Variants in CTIF observed in about 807,000 individuals in gnomAD.
CTIF encodes the protein cap binding complex dependent translation initiation factor.
A neutral mutation model predicts 66.0 loss-of-function variants in CTIF; 21 were observed. The observed-to-expected ratio is 0.32, with a 90% CI of 0.23 to 0.46. The LOEUF (loss-of-function observed/expected upper bound fraction) is 0.46. CTIF is among the 20% of genes least tolerant of loss of function. The pLI, the probability that CTIF is intolerant of heterozygous loss-of-function variation, is 1.00. For synonymous variants in CTIF, 345 were observed against 326.4 expected (o/e 1.06, Z -0.62); for missense variants, 739 against 812.7 (o/e 0.91, Z 1.10).
chr18:48,645,728 T>C (rs2091018838), intron 3 of CTIF, among the ~76,000 whole-genome samples: 2 of 152,112 alleles, frequency 1.3e-5, no homozygotes. Flanking sequence ...CTTCATAGAC[T>C]CCCAGGGATG....
intron 5 of CTIF, among the ~76,000 whole-genome samples, chr18:48,668,930 G>A (rs778311414): frequency 5.3e-5 from 8 of 152,040 alleles, no homozygotes; most frequent in Non-Finnish European, 7.4e-5. Flanking sequence ...GTCCAGAGCC[G>A]GGCACAGAAG....
At chr18:48,665,970 C>T (rs1482757035) in intron 5 of CTIF, among the ~76,000 whole-genome samples, 1 of 152,136 alleles carries the variant, frequency 6.6e-6, no homozygotes, top group African/African-American at 2.4e-5. Context: ...GGGTGTATAC[C>T]TGGGGTGGAA....
intron 11 of CTIF, 22 bp from the exon 12 acceptor site, chr18:48,859,322 A>G: frequency 3.1e-6 from 5 of 1,611,116 alleles, no homozygotes; most frequent in Non-Finnish European, 4.2e-6. Context: ...AGGCCATCCT[A>G]ACCCCACATC....
intron 1 of CTIF, among the ~76,000 whole-genome samples, chr18:48,614,164 G>C (rs1208882858): frequency 6.6e-6 from 1 of 152,098 alleles, no homozygotes; most frequent in Non-Finnish European, 1.5e-5. Flanking sequence ...GCTGTTTGGG[G>C]ACTTCCCATC....
At chr18:48,825,924 C>T (rs1164246485) in intron 10 of CTIF, 3 of 152,302 alleles carry the variant, frequency 2.0e-5, no homozygotes, top group African/African-American at 4.8e-5. Context: ...TAATGTCCGG[C>T]CAAGGTTAAG....
chr18:48,715,300 G>A (rs181021711), intron 7 of CTIF, among the ~76,000 whole-genome samples: 3 of 152,258 alleles, frequency 2.0e-5, no homozygotes, highest in Admixed American at 1.3e-4. Context: ...CCTCAAGAAT[G>A]TTCTTGACAT....
At chr18:48,579,660 T>C (rs1170516381) in intron 1 of CTIF, among the ~76,000 whole-genome samples, 5 of 152,180 alleles carry the variant, frequency 3.3e-5, no homozygotes, top group African/African-American at 1.2e-4. Context: ...AAGGCCTGCA[T>C]TGCCAGCCCA....
intron 1 of CTIF, among the ~76,000 whole-genome samples, chr18:48,568,984 T>C (rs1160730203): frequency 1.3e-5 from 2 of 152,298 alleles, no homozygotes; most frequent in East Asian, 3.9e-4. Context: ...TGCTCTCTTC[T>C]GAGGCCTCTC....
intron 3 of CTIF, among the ~76,000 whole-genome samples, chr18:48,654,923 A>G (rs1262239087): frequency 6.6e-6 from 1 of 151,872 alleles, no homozygotes; most frequent in Non-Finnish European, 1.5e-5. Flanking sequence ...GAACTGAACA[A>G]TGAGAACACT....
At chr18:48,753,525 TGA>T (rs1908039894) in intron 7 of CTIF, among the ~76,000 whole-genome samples, 1 of 152,096 alleles carries the variant, frequency 6.6e-6, no homozygotes, top group Non-Finnish European at 1.5e-5. Context: ...ACAAGACATC[TGA>T]TTTCAGAACC....
intron 7 of CTIF, among the ~76,000 whole-genome samples, chr18:48,717,685 A>G (rs187350119): frequency 2.2e-4 from 33 of 152,284 alleles, no homozygotes; most frequent in African/African-American, 7.7e-4. Flanking sequence ...AGAATAAGGC[A>G]GGTCCCAGGA....
chr18:48,553,094 A>T (rs79628908), intron 1 of CTIF, among the ~76,000 whole-genome samples: 10,911 of 152,230 alleles, frequency 0.072, 478 homozygotes, highest in South Asian at 0.1. Context: ...TGATACGGCC[A>T]GTTGGAAGTG....
intron 9 of CTIF, among the ~76,000 whole-genome samples, chr18:48,815,841 A>T (rs1172538124): frequency 6.6e-6 from 1 of 151,674 alleles, no homozygotes; most frequent in African/African-American, 2.4e-5. Flanking sequence ...CACATTCTAC[A>T]ACCTGTCTTC....
intron 1 of CTIF, among the ~76,000 whole-genome samples, chr18:48,593,055 T>C (rs1452876000): frequency 1.3e-5 from 2 of 152,094 alleles, no homozygotes; most frequent in Non-Finnish European, 2.9e-5. Context: ...GCCTGTGAAG[T>C]TTTCTCCTGT....
At chr18:48,680,063 G>A (rs1330728041) in intron 6 of CTIF, among the ~76,000 whole-genome samples, 1 of 152,204 alleles carries the variant, frequency 6.6e-6, no homozygotes, top group Non-Finnish European at 1.5e-5. Flanking sequence ...AATGCAGGAT[G>A]GAAGGAGGAT....
chr18:48,809,722 A>G (rs1371335161), intron 9 of CTIF, among the ~76,000 whole-genome samples: 1 of 152,110 alleles, frequency 6.6e-6, no homozygotes, highest in Non-Finnish European at 1.5e-5. Flanking sequence ...CTTTCATTTT[A>G]GCTTATGAAT....
rs184098730 is a variant in CTIF, at chr18:48,647,380, A to G, written c.252+10695A>G. 3.9e-4 allele frequency among the ~76,000 whole-genome samples: 59 copies of G among 152,306 alleles called. No individual in the cohort carries two copies. In the East Asian group the frequency reaches 0.011, roughly 28 times the overall value. ...AGTGTTCTGTGTCTCCACTGTATCAATGTTGATACCCGGAGATGCTGAGTT... is the reference window on the plus strand; with the variant it reads ...AGTGTTCTGTGTCTCCACTGTATCAGTGTTGATACCCGGAGATGCTGAGTT... On this transcript the variant is annotated intron_variant, in intron 3 of 11. Coordinates refer to ENST00000256413, the MANE Select transcript of CTIF (RefSeq NM_014772.3).
At chr18:48,655,596 C>T (rs1290308072) in intron 3 of CTIF, among the ~76,000 whole-genome samples, 1 of 152,196 alleles carries the variant, frequency 6.6e-6, no homozygotes, top group East Asian at 1.9e-4. Flanking sequence ...CCACCTTTAT[C>T]TCTCTCATGC....
chr18:48,563,814 C>T (rs143923309), intron 1 of CTIF, among the ~76,000 whole-genome samples: 22 of 152,176 alleles, frequency 1.4e-4, no homozygotes, highest in Admixed American at 1.4e-3. Context: ...CCTTGGTTGG[C>T]CTGTGCCTGA....
Sources: gnomAD v4.1 joint callset for allele counts (sites outside exome capture counted in the v4.1 genomes callset) on GRCh38, gnomAD v4.1.1 for gene constraint, MANE v1.5 for transcripts, NCBI Gene and HGNC (gene_info 2026-07-23, HGNC 2026-07-21) for gene names.